The following BYSL variants were observed in gnomAD, a reference collection of about 807,000 sequenced individuals.
BYSL encodes bystin like, also known as bystin.
A neutral mutation model predicts 45.4 loss-of-function variants in BYSL; 21 were observed. The observed-to-expected ratio is 0.46, with a 90% CI of 0.33 to 0.67. The LOEUF (loss-of-function observed/expected upper bound fraction) is 0.67. Ranked by LOEUF, BYSL falls within the 30% of genes least tolerant of loss-of-function variation. The pLI, the probability that BYSL is intolerant of heterozygous loss-of-function variation, is 0.02. For missense variants in BYSL, 522 were observed against 578.5 expected (o/e 0.90, Z 1.00); for synonymous variants, 215 against 231.3 (o/e 0.93, Z 0.64).
Position 41,932,256 on chromosome 6 carries a change from G to T in BYSL, c.969-105G>T. On this transcript the variant is annotated intron_variant, in intron 6 of 6. Coordinates refer to ENST00000230340, the MANE Select transcript of BYSL (RefSeq NM_004053.4). The surrounding 1 kb of genome is among the most constrained non-coding windows in gnomAD (Gnocchi z 4.7). ...TCCCTGGGGAATACCATAGTGTAAG[G>T]GCCAGCAGAGGGGAAGAAAAAAAGG... is the stretch of plus-strand genomic sequence containing the variant. The T allele has an allele frequency of 9.0e-7, 1 of 1,108,314 alleles. No homozygotes were observed. The highest frequency in any genetic ancestry group is 1.3e-6 in the Non-Finnish European group (1 of 756,982). 68.7% of individuals were successfully genotyped at this position (1,108,314 alleles called of 1,614,324 possible). A position where few individuals can be genotyped will look rare whatever the true frequency, so the allele number is the denominator to read the frequency against.
intron 1 of BYSL, among the ~76,000 whole-genome samples, chr6:41,923,111 A>G (rs1259185928): frequency 6.7e-6 from 1 of 150,002 alleles, no homozygotes; most frequent in Non-Finnish European, 1.5e-5. Context: ...CCTCCTCGTT[A>G]GTATCTCATA....
the BYSL span, among the ~76,000 whole-genome samples, chr6:41,916,258 T>TAAATAAAATAAAATA: frequency 3.3e-3 from 487 of 148,340 alleles, 2 homozygotes; most frequent in African/African-American, 0.011. Flanking sequence ...CTCAAAAAAA[T>TAAATAAAATAAAATA]AAATAAAATA....
upstream of BYSL, among the ~76,000 whole-genome samples, chr6:41,920,386 T>A (rs762397347): frequency 6.8e-4 from 104 of 152,124 alleles, no homozygotes; most frequent in Non-Finnish European, 1.0e-3. Context: ...AAATACTATC[T>A]CCTGATTGCT....
At chr6:41,925,346 T>C (rs1351545568) in intron 1 of BYSL, among the ~76,000 whole-genome samples, 1 of 152,132 alleles carries the variant, frequency 6.6e-6, no homozygotes. Flanking sequence ...ACAGAAGTTA[T>C]TTAAATGGAC....
chr6:41,921,762 A>AG lies in BYSL; in HGVS notation c.202dup (p.Glu68GlyfsTer33), dbSNP rs767711179. The AG allele has an allele frequency of 6.2e-7, 1 of 1,613,238 alleles. No individual in the cohort carries two copies. The highest frequency in any genetic ancestry group is 1.3e-5 in the African/African-American group (1 of 74,844). ...TTGCAGCAAGCACGGCAGCAACAGG[A>AG]GGAACTCGAGGCCGAGCATGGGACT... On this transcript the variant is annotated frameshift_variant, in exon 1 of 7. Coordinates refer to ENST00000230340, the MANE Select transcript of BYSL (RefSeq NM_004053.4). LOFTEE classifies it high-confidence loss of function.
At chr6:41,930,317 G>T (rs1246336657) in intron 3 of BYSL, 47 bp downstream of exon 3, 1 of 1,585,982 alleles carries the variant, frequency 6.3e-7, no homozygotes, top group Non-Finnish European at 8.6e-7. Context: ...TTTGGGGGCT[G>T]TGGGCTCCTG....
the BYSL span, chr6:41,909,027 A>G: frequency 1.9e-6 from 1 of 530,906 alleles, no homozygotes; most frequent in Middle Eastern, 5.0e-4. Flanking sequence ...TACTAAAAAA[A>G]AAAAAAAATT....
At chr6:41,916,922 A>G, upstream of BYSL, 1 of 1,614,050 alleles carries the variant, frequency 6.2e-7, no homozygotes, top group South Asian at 1.1e-5. Context: ...GCCCTCGGCC[A>G]CAGGCATCTG....
rs1418776477 is a variant in BYSL at position 41,932,125 on chromosome 6, G to C, written c.969-236G>C. 6.6e-6 allele frequency among the ~76,000 whole-genome samples: 1 copy of C among 152,118 alleles called. No individual in the cohort carries two copies. The highest frequency in any genetic ancestry group is 1.5e-5 in the Non-Finnish European group (1 of 68,016). ...AGATGTTTGGACCATACTCTAGTTG[G>C]TTACTGAAACAAGCAGTCTATGCTA... On this transcript the variant is annotated intron_variant, in intron 6 of 6. Coordinates refer to ENST00000230340, the MANE Select transcript of BYSL (RefSeq NM_004053.4). The surrounding 1 kb of genome is among the most constrained non-coding windows in gnomAD (Gnocchi z 4.7).
intron 1 of BYSL, 98 bp downstream of exon 1, chr6:41,921,928 C>CA (rs768843347): frequency 6.9e-7 from 1 of 1,446,454 alleles, no homozygotes; most frequent in Non-Finnish European, 9.2e-7. Context: ...TTCGAGTCAA[C>CA]AAAGGGGTCC....
chr6:41,921,508 C>G lies in BYSL; in HGVS notation c.-55C>G. 6.6e-7 allele frequency: 1 copy of G among 1,515,292 alleles called. No homozygotes were observed. Among genetic ancestry groups the G allele is most frequent in the Non-Finnish European group, 8.8e-7 (1 of 1,132,182 alleles). The allele number at this position is 1,515,292 out of a possible 1,614,324, so 93.9% of individuals were successfully genotyped here. ...TGGGAGTCCACCGCGCAAGCGCATC[C>G]TGGCCTTTCTTCAGTCCCCACGTGC... On this transcript the variant is annotated 5_prime_UTR_variant, in exon 1 of 7. Transcript: ENST00000230340.
At chr6:41,928,060 A>G (rs1441229722) in intron 2 of BYSL, among the ~76,000 whole-genome samples, 1 of 152,170 alleles carries the variant, frequency 6.6e-6, no homozygotes, top group Non-Finnish European at 1.5e-5. Context: ...TGAAAACCAA[A>G]AATGACATCA....
chr6:41,929,296 G>A (rs1775604301), intron 2 of BYSL, among the ~76,000 whole-genome samples: 1 of 152,180 alleles, frequency 6.6e-6, no homozygotes, highest in Non-Finnish European at 1.5e-5. Context: ...CCAGGAGTGT[G>A]AGACCAGCCT....
At chr6:41,915,498 A>AACACAC in the BYSL span, among the ~76,000 whole-genome samples, 1 of 151,670 alleles carries the variant, frequency 6.6e-6, no homozygotes, top group African/African-American at 2.4e-5. Context: ...ATCTCTTAAA[A>AACACAC]ACACACACGC....
At chr6:41,921,347 G>T, upstream of BYSL, 1 of 644,258 alleles carries the variant, frequency 1.6e-6, no homozygotes, top group Admixed American at 3.1e-5. Flanking sequence ...AGAAGCTAAC[G>T]TTAAAGGCAG....
At chr6:41,923,843 C>T (rs889482585) in intron 1 of BYSL, among the ~76,000 whole-genome samples, 4 of 152,206 alleles carry the variant, frequency 2.6e-5, no homozygotes, top group Non-Finnish European at 4.4e-5. Flanking sequence ...CTGCTTTCCT[C>T]TTTGCCCATT....
In BYSL at chr6:41,931,721, T is replaced by C; in HGVS notation, c.866-7T>C. 1 of 1,613,554 alleles carries C rather than the reference T, an allele frequency of 6.2e-7. No homozygotes were observed. The highest frequency in any genetic ancestry group is 8.5e-7 in the Non-Finnish European group (1 of 1,179,528). ...GCTCACAGTGGCTGCCCTTTGACTC[T>C]CCCTAGGGATCCTGATTCCACTGTG... is the stretch of plus-strand genomic sequence containing the variant. On this transcript the variant is annotated splice_region_variant and splice_polypyrimidine_tract_variant and intron_variant, in intron 5 of 6. Transcript: ENST00000230340.
chr6:41,921,314 C>T (rs1258905624), upstream of BYSL: 13 of 601,416 alleles, frequency 2.2e-5, no homozygotes, highest in Non-Finnish European at 3.1e-5. Flanking sequence ...AGGAGAGCGA[C>T]ACTCAAAGAC....
At chr6:41,914,586 C>T in the BYSL span, among the ~76,000 whole-genome samples, 7 of 151,728 alleles carry the variant, frequency 4.6e-5, no homozygotes, top group Middle Eastern at 3.2e-3. Context: ...AGAGCCAAGA[C>T]TAAGACAAAC....
Sources: gnomAD v4.1 joint callset for allele counts (sites outside exome capture counted in the v4.1 genomes callset) on GRCh38, gnomAD v4.1.1 for gene constraint, Gnocchi (gnomAD v3.1) non-coding constraint, MANE v1.5 for transcripts, NCBI Gene and HGNC (gene_info 2026-07-23, HGNC 2026-07-21) for gene names.